The following TCEANC2 variants were observed in gnomAD, a reference collection of about 807,000 sequenced individuals.
TCEANC2 encodes transcription elongation factor A N-terminal and central domain-containing protein 2.
A neutral mutation model predicts 22.8 loss-of-function variants in TCEANC2; 20 were observed. That is an observed-to-expected ratio of 0.88 (90% CI 0.62 to 1.28). The LOEUF (loss-of-function observed/expected upper bound fraction) is 1.28. TCEANC2 is among the 50% of genes most tolerant of loss of function. TCEANC2 has a pLI of 0.00. For missense variants in TCEANC2, 251 were observed against 249.7 expected, an observed-to-expected ratio of 1.01 and a Z score of -0.03; for synonymous variants, 84 against 95.5, an observed-to-expected ratio of 0.88 and a Z score of 0.70.
chr1:54,095,010 G>A (rs1205603956), intron 4 of TCEANC2, among the ~76,000 whole-genome samples: 1 of 152,058 alleles, frequency 6.6e-6, no homozygotes, highest in Non-Finnish European at 1.5e-5. Context: ...GAGCATGGTG[G>A]TGCATGCCTG....
Position 54,104,670 on chromosome 1 carries a change from T to A in TCEANC2, c.*8197T>A, listed in dbSNP as rs1287971006. On this transcript the variant is annotated 3_prime_UTR_variant, in exon 5 of 5. Transcript: ENST00000234827. ...TATTCTCCTGCCTCAGCCTCCCGAG[T>A]AACTGGGATTACAGGCATGTGCCAC... 1.9e-5 allele frequency: 8 copies of A among 425,196 alleles called. No individual in the cohort carries two copies. The highest frequency in any genetic ancestry group is 3.4e-5 in the Non-Finnish European group (7 of 207,080). The allele number at this position is 425,196 out of a possible 1,614,324, so 26.3% of individuals were successfully genotyped here.
At chr1:54,065,037 C>T (rs997428164) in intron 2 of TCEANC2, among the ~76,000 whole-genome samples, 4 of 151,946 alleles carry the variant, frequency 2.6e-5, no homozygotes, top group Admixed American at 6.6e-5. Context: ...GAAGTCAGTG[C>T]GAATCAGCCT....
Position 54,096,681 on chromosome 1 carries a change from G to A in TCEANC2, c.*208G>A, listed in dbSNP as rs1046288865. 1 of 1,251,448 alleles carries A rather than the reference G, an allele frequency of 8.0e-7. No homozygotes were observed. The highest frequency in any genetic ancestry group is 1.0e-6 in the Non-Finnish European group (1 of 972,338). 77.5% of individuals were successfully genotyped at this position (1,251,448 alleles called of 1,614,324 possible). On this transcript the variant is annotated 3_prime_UTR_variant, in exon 5 of 5. Transcript: ENST00000234827. The surrounding 1 kb of genome is among the most constrained non-coding windows in gnomAD (Gnocchi z 4.9). Reference sequence around the variant, plus strand: ...TCATTAGCTGCAGTGCGCTGGTGCTGCCTAACAGAACGCACACTGGCTGTC... The same window carrying A: ...TCATTAGCTGCAGTGCGCTGGTGCTACCTAACAGAACGCACACTGGCTGTC...
At chr1:54,077,585 T>G (rs1490613056) in intron 3 of TCEANC2, among the ~76,000 whole-genome samples, 3 of 152,206 alleles carry the variant, frequency 2.0e-5, no homozygotes, top group Non-Finnish European at 1.5e-5. Context: ...GTTTGTTACC[T>G]TCATAGCCCT....
rs1458203072 is a variant in TCEANC2, at chr1:54,067,523, A to G, written c.103-1233A>G. On this transcript the variant is annotated intron_variant, in intron 2 of 4. Coordinates refer to ENST00000234827, the MANE Select transcript of TCEANC2 (RefSeq NM_153035.3). Reference sequence around the variant, plus strand: ...ACTAAAACCTGATTAGCATAGTATCACTATGTTAAAGTAAGGCTTTTCCTT... The same window carrying G: ...ACTAAAACCTGATTAGCATAGTATCGCTATGTTAAAGTAAGGCTTTTCCTT... 3.3e-5 allele frequency among the ~76,000 whole-genome samples: 5 copies of G among 152,228 alleles called. No homozygotes were observed. The East Asian group carries it at 7.7e-4, about 23-fold the overall frequency.
chr1:54,066,672 G>A (rs192496122), intron 2 of TCEANC2, among the ~76,000 whole-genome samples: 194 of 152,204 alleles, frequency 1.3e-3, no homozygotes, highest in Non-Finnish European at 1.1e-3. Context: ...TCAACCAACC[G>A]GGATTATATG....
chr1:54,079,134 A>AAC (rs1420365042), intron 3 of TCEANC2, among the ~76,000 whole-genome samples: 2 of 152,094 alleles, frequency 1.3e-5, no homozygotes, highest in Non-Finnish European at 2.9e-5. Flanking sequence ...ATATATATGA[A>AAC]TATTCTGGGA....
chr1:54,087,319 A>G (rs920880724), intron 3 of TCEANC2, among the ~76,000 whole-genome samples: 2 of 152,112 alleles, frequency 1.3e-5, no homozygotes, highest in African/African-American at 4.8e-5. Flanking sequence ...GAAATTCTCA[A>G]ACATACACAA....
At chr1:54,106,604 G>A (rs926016336), downstream of TCEANC2, among the ~76,000 whole-genome samples, 1 of 152,152 alleles carries the variant, frequency 6.6e-6, no homozygotes, top group African/African-American at 2.4e-5. Context: ...GTGGCTAGTG[G>A]CTACTGTGTT....
At chr1:54,074,236 G>T (rs937355036) in intron 3 of TCEANC2, among the ~76,000 whole-genome samples, 10 of 150,588 alleles carry the variant, frequency 6.6e-5, no homozygotes, top group African/African-American at 2.4e-4. Context: ...GGCCGAGGCG[G>T]GTGGATCACG....
chr1:54,080,189 G>T (rs1658212939), intron 3 of TCEANC2, among the ~76,000 whole-genome samples: 1 of 151,162 alleles, frequency 6.6e-6, no homozygotes, highest in Non-Finnish European at 1.5e-5. Context: ...TGTCAGACAG[G>T]CTGGAGTCCG....
At chr1:54,061,025 C>T (rs751871924) in intron 2 of TCEANC2, among the ~76,000 whole-genome samples, 12 of 151,868 alleles carry the variant, frequency 7.9e-5, no homozygotes, top group Non-Finnish European at 1.3e-4. Context: ...TGTGGCAGGG[C>T]ACCATAAAGG....
At position 54,104,825 on chromosome 1, in the gene TCEANC2, A is replaced by T. The variant is rs546808064; in HGVS notation, c.*8352A>T. 21 of 374,362 alleles carry T rather than the reference A, an allele frequency of 5.6e-5. No individual in the cohort carries two copies. Among genetic ancestry groups the T allele is most frequent in the South Asian group, 4.1e-4 (21 of 51,180 alleles). 23.2% of individuals were successfully genotyped at this position (374,362 alleles called of 1,614,324 possible). A position where few individuals can be genotyped will look rare whatever the true frequency, so the allele number is the denominator to read the frequency against. ...CCAAAGTGCTGGGATTACAGGCGTGAGCCACTGCGCCTGGCCCCTTGCCCA... is the reference window on the plus strand; with the variant it reads ...CCAAAGTGCTGGGATTACAGGCGTGTGCCACTGCGCCTGGCCCCTTGCCCA... On this transcript the variant is annotated 3_prime_UTR_variant, in exon 5 of 5. Coordinates refer to ENST00000234827, the MANE Select transcript of TCEANC2 (RefSeq NM_153035.3).
At chr1:54,079,898 A>C (rs1414445965) in intron 3 of TCEANC2, among the ~76,000 whole-genome samples, 1 of 152,102 alleles carries the variant, frequency 6.6e-6, no homozygotes, top group African/African-American at 2.4e-5. Flanking sequence ...TTCTTGTGTT[A>C]TTCCTGTCTC....
At chr1:54,068,988 C>A (rs949719112) in intron 3 of TCEANC2, 91 bp downstream of exon 3, 1 of 1,307,096 alleles carries the variant, frequency 7.7e-7, no homozygotes, top group African/African-American at 1.5e-5. Context: ...ATGAAGTTAT[C>A]TGCCTTATCA....
At chr1:54,057,801 C>G (rs1232571027) in intron 2 of TCEANC2, among the ~76,000 whole-genome samples, 5 of 152,192 alleles carry the variant, frequency 3.3e-5, no homozygotes, top group Non-Finnish European at 7.3e-5. Flanking sequence ...GCCTGCCTGC[C>G]TCATCCCCTG....
intron 3 of TCEANC2, among the ~76,000 whole-genome samples, chr1:54,075,685 T>C (rs765329373): frequency 6.6e-6 from 1 of 152,104 alleles, no homozygotes; most frequent in Non-Finnish European, 1.5e-5. Context: ...CAGTATACTT[T>C]GTCATTTAAT....
intron 3 of TCEANC2, among the ~76,000 whole-genome samples, chr1:54,073,786 T>C (rs1658099725): frequency 6.6e-6 from 1 of 152,158 alleles, no homozygotes; most frequent in East Asian, 1.9e-4. Context: ...TACTAAAACA[T>C]CTGCATAAGA....
intron 2 of TCEANC2, among the ~76,000 whole-genome samples, chr1:54,055,935 C>T (rs1480027524): frequency 2.0e-5 from 3 of 152,208 alleles, no homozygotes; most frequent in African/African-American, 7.2e-5. Flanking sequence ...GATAATTCTT[C>T]ATTATTTGGA....
Sources: allele counts gnomAD v4.1 joint callset (sites outside exome capture counted in the v4.1 genomes callset), GRCh38; gene constraint gnomAD v4.1.1; non-coding constraint Gnocchi (gnomAD v3.1); transcripts MANE v1.5; gene names NCBI Gene and HGNC (gene_info 2026-07-23, HGNC 2026-07-21).